The following SLC25A38 variants were observed in gnomAD, a reference collection of about 807,000 sequenced individuals.
SLC25A38 encodes the protein mitochondrial glycine transporter.
SLC25A38 carries 27 observed loss-of-function variants against 33.4 expected under a neutral mutation model. The ratio of observed to expected loss-of-function variants is 0.81; its 90% CI spans 0.60 to 1.11. The LOEUF (loss-of-function observed/expected upper bound fraction) is 1.11. SLC25A38 is among the 50% of genes most tolerant of loss of function. The pLI, the probability that SLC25A38 is intolerant of heterozygous loss-of-function variation, is 0.00. For synonymous variants in SLC25A38, 123 were observed against 145.9 expected (o/e 0.84, Z 1.13); for missense variants, 344 against 388.8 (o/e 0.88, Z 0.97).
chr3:39,383,684 A>T lies in SLC25A38; in HGVS notation c.-41A>T. 1 of 1,613,052 alleles carries T rather than the reference A, an allele frequency of 6.2e-7. No homozygotes were observed. The highest frequency in any genetic ancestry group is 8.5e-7 in the Non-Finnish European group (1 of 1,179,214). ...CAGGGCTGGGCCCAAGCGCCCGTCG[A>T]CGGCACCCTGGGCCCAGAGGACTCG... On this transcript the variant is annotated 5_prime_UTR_variant, in exon 1 of 7. Transcript: ENST00000650617.
chr3:39,390,174 C>T (rs1036077419), intron 2 of SLC25A38, among the ~76,000 whole-genome samples: 8 of 152,172 alleles, frequency 5.3e-5, no homozygotes, highest in South Asian at 2.1e-4. Flanking sequence ...CTTCTGGCCT[C>T]GAGTGATCTG....
chr3:39,396,606 A>G lies in SLC25A38; in HGVS notation c.*86A>G. ...CTGCTTCTTACTATTCTGCAGTAAGATGAAGTCCTACCTGGAAAACCAGGC... is the reference window on the plus strand; with the variant it reads ...CTGCTTCTTACTATTCTGCAGTAAGGTGAAGTCCTACCTGGAAAACCAGGC... On this transcript the variant is annotated 3_prime_UTR_variant, in exon 7 of 7. Coordinates refer to ENST00000650617, the MANE Select transcript of SLC25A38 (RefSeq NM_017875.4). The G allele has an allele frequency of 1.9e-6, 3 of 1,607,810 alleles. No individual in the cohort carries two copies. The highest frequency in any genetic ancestry group is 2.5e-6 in the Non-Finnish European group (3 of 1,176,954).
In SLC25A38 at chr3:39,395,670, G is replaced by GCATA. The variant is rs2041819721; in HGVS notation, c.793-725_793-722dup. On this transcript the variant is annotated intron_variant, in intron 6 of 6. Transcript: ENST00000650617. Reference sequence around the variant, plus strand: ...TAATATGAAGAGAGGGCCACCAAGAGCATACAGTGAATTACAAAAAGATAA... The same window carrying GCATA: ...TAATATGAAGAGAGGGCCACCAAGAGCATACATACAGTGAATTACAAAAAGATAA... 2.6e-5 allele frequency among the ~76,000 whole-genome samples: 4 copies of GCATA among 152,074 alleles called. No individual in the cohort carries two copies. In the South Asian group the frequency reaches 8.3e-4, roughly 32 times the overall value.
intron 2 of SLC25A38, among the ~76,000 whole-genome samples, 185 bp from the exon 3 acceptor site, chr3:39,390,238 G>A (rs1464477968): frequency 1.6e-4 from 24 of 152,204 alleles, no homozygotes. Context: ...ACTGCACCCA[G>A]CCTCTATTGT....
intron 1 of SLC25A38, chr3:39,384,583 T>C (rs1302795308): frequency 5.0e-6 from 2 of 396,988 alleles, no homozygotes; most frequent in African/African-American, 4.1e-5. Flanking sequence ...GAAAACCTGC[T>C]TACCTTTTTC....
chr3:39,383,985 G>A (rs1258678771), intron 1 of SLC25A38, among the ~76,000 whole-genome samples, 192 bp downstream of exon 1: 1 of 152,194 alleles, frequency 6.6e-6, no homozygotes, highest in Non-Finnish European at 1.5e-5. Context: ...GCCAGGAGCT[G>A]CAGGCCAGCC....
chr3:39,387,345 G>A (rs542616405), intron 1 of SLC25A38, among the ~76,000 whole-genome samples: 7 of 152,130 alleles, frequency 4.6e-5, no homozygotes, highest in Admixed American at 6.5e-5. Context: ...TAGATGCCTC[G>A]CCCAGTGCTA....
chr3:39,384,637 A>T, intron 1 of SLC25A38: 1 of 398,128 alleles, frequency 2.5e-6, no homozygotes, highest in Non-Finnish European at 4.4e-6. Context: ...TGGACTTAGG[A>T]TAGTTTTTTC....
In SLC25A38 at chr3:39,391,838, G is replaced by A. The variant is rs200835440; in HGVS notation, c.457-15G>A. 1.9e-6 allele frequency: 3 copies of A among 1,612,904 alleles called. No homozygotes were observed. In the Admixed American group the frequency reaches 5.0e-5, roughly 27 times the overall value. ...CGCCTCCATGCGAGTCACTGGTTCT[G>A]TGCTCTCTTTGCAGAGTGGGAAATA... On this transcript the variant is annotated splice_polypyrimidine_tract_variant and intron_variant, in intron 4 of 6. Coordinates refer to ENST00000650617, the MANE Select transcript of SLC25A38 (RefSeq NM_017875.4).
rs978324925 is a variant in SLC25A38, at chr3:39,383,599, GCC to G, written c.-124_-123del. ...TGCTTATAGGCGCAGACGTCAGAGA[GCC>G]CGCGGCTTAAAGCGCGTCGCCTGGC... On this transcript the variant is annotated 5_prime_UTR_variant, in exon 1 of 7. Coordinates refer to ENST00000650617, the MANE Select transcript of SLC25A38 (RefSeq NM_017875.4). 9 of 1,071,728 alleles carry G rather than the reference GCC, an allele frequency of 8.4e-6. No individual in the cohort carries two copies. The highest frequency in any genetic ancestry group is 2.0e-5 in the Admixed American group (1 of 48,826). 66.4% of individuals were successfully genotyped at this position (1,071,728 alleles called of 1,614,324 possible).
chr3:39,390,502 T>G lies in SLC25A38; in HGVS notation c.271T>G (p.Ser91Ala), dbSNP rs2041751370. ...ESLLGLWKGM[S>A]PSIVRCVPGV... Reference sequence around the variant, plus strand: ...TCTTTTGGGCCTTTGGAAAGGGATGTCCCCTGTAAGCTGCCATCTGGGTCT... The same window carrying G: ...TCTTTTGGGCCTTTGGAAAGGGATGGCCCCTGTAAGCTGCCATCTGGGTCT... The change falls in exon 3 of 7, where the codon TCC becomes GCC. Residue 91 changes from serine to alanine, a missense_variant. Physicochemically the swap from Ser to Ala is moderately conservative, Grantham distance 99. This residue lies in a region of SLC25A38 where 269 missense variants were observed against 271.8 expected (regional missense o/e 0.99). Transcript: ENST00000650617. The G allele has an allele frequency of 1.2e-6, 2 of 1,613,970 alleles. No homozygotes were observed. Among genetic ancestry groups the G allele is most frequent in the African/African-American group, 2.7e-5 (2 of 74,902 alleles).
chr3:39,391,432 T>C lies in SLC25A38; in HGVS notation c.277-9T>C. On this transcript the variant is annotated splice_polypyrimidine_tract_variant and intron_variant, in intron 3 of 6. Coordinates refer to ENST00000650617, the MANE Select transcript of SLC25A38 (RefSeq NM_017875.4). The stretch of plus-strand genomic sequence containing the variant: ...TTTGATTTTCTTTTCTCCCTGACCT[T>C]CTCTGCAGTCCATTGTGAGATGTGT... 1 of 1,613,124 alleles carries C rather than the reference T, an allele frequency of 6.2e-7. No individual in the cohort carries two copies. The highest frequency in any genetic ancestry group is 8.5e-7 in the Non-Finnish European group (1 of 1,179,996).
At chr3:39,395,505 T>C (rs1467349306) in intron 6 of SLC25A38, among the ~76,000 whole-genome samples, 3 of 152,152 alleles carry the variant, frequency 2.0e-5, no homozygotes, top group Non-Finnish European at 4.4e-5. Context: ...AAAGCAGATA[T>C]TCTTGCTAAA....
intron 6 of SLC25A38, among the ~76,000 whole-genome samples, chr3:39,395,390 T>G (rs2041816532): frequency 6.7e-6 from 1 of 149,198 alleles, no homozygotes; most frequent in South Asian, 2.2e-4. Context: ...ATGGGCAATG[T>G]AAGGAGACTT....
intron 3 of SLC25A38, 141 bp from the exon 4 acceptor site, chr3:39,391,300 C>A (rs1188877061): frequency 5.2e-6 from 6 of 1,148,632 alleles, no homozygotes; most frequent in Non-Finnish European, 6.5e-6. Flanking sequence ...ATGTCCCCCA[C>A]TTCCCTATTG....
In SLC25A38 at chr3:39,397,108, T is replaced by A. The variant is rs6890; in HGVS notation, c.*588T>A. On this transcript the variant is annotated 3_prime_UTR_variant, in exon 7 of 7. Coordinates refer to ENST00000650617, the MANE Select transcript of SLC25A38 (RefSeq NM_017875.4). Reference sequence around the variant, plus strand: ...TAGCCTCTGAATGTTCCAAATAAAATTTTTTGGTCTTGGCCCCTGTACTGT... The same window carrying A: ...TAGCCTCTGAATGTTCCAAATAAAAATTTTTGGTCTTGGCCCCTGTACTGT... The A allele has an allele frequency of 0.12, 20,415 of 164,102 alleles. 1,493 individuals carry two copies. The highest frequency in any genetic ancestry group is 0.19 in the Middle Eastern group (60 of 322). The allele number at this position is 164,102 out of a possible 1,614,324, so 10.2% of individuals were successfully genotyped here.
chr3:39,383,755 C>T lies in SLC25A38; in HGVS notation c.31C>T (p.Gln11Ter). The T allele has an allele frequency of 6.2e-7, 1 of 1,614,200 alleles. No homozygotes were observed. Among genetic ancestry groups the T allele is most frequent in the Non-Finnish European group, 8.5e-7 (1 of 1,180,012 alleles). MIQNSRPSLL[Q>*]PQDVGDTVET... ...TCAGAACTCACGTCCGTCGCTGCTG[C>T]AACCCCAAGATGTCGGAGACACGGT... Residue 11 changes from glutamine (Q) to a stop codon, truncating the protein, a stop_gained, in exon 1 of 7, where the codon CAA becomes TAA. Transcript: ENST00000650617. LOFTEE classifies it high-confidence loss of function.
chr3:39,394,638 G>A, intron 6 of SLC25A38, 62 bp downstream of exon 6: 8 of 1,590,312 alleles, frequency 5.0e-6, no homozygotes, highest in South Asian at 2.2e-5. Context: ...TAGAGCAGTA[G>A]TTCTTACCCT....
chr3:39,394,602 T>C, intron 6 of SLC25A38, 26 bp downstream of exon 6: 1 of 1,613,816 alleles, frequency 6.2e-7, no homozygotes, highest in South Asian at 1.1e-5. Flanking sequence ...AAGTACTGGT[T>C]CTTGTGGTGT....
Sources: allele counts gnomAD v4.1 joint callset (sites outside exome capture counted in the v4.1 genomes callset), GRCh38; gene constraint gnomAD v4.1.1; regional missense constraint gnomAD v4.1.1; transcripts MANE v1.5; gene names NCBI Gene and HGNC (gene_info 2026-07-23, HGNC 2026-07-21).